CCL28: variants seen among roughly 807,000 people sequenced by gnomAD.
CCL28 encodes C-C motif chemokine ligand 28.
A neutral mutation model predicts 7.1 loss-of-function variants in CCL28; 4 were observed. That is an observed-to-expected ratio of 0.56 (90% CI 0.28 to 1.29). CCL28 has a LOEUF of 1.29. CCL28 is among the 50% of genes most tolerant of loss of function. The pLI, the probability that CCL28 is intolerant of heterozygous loss-of-function variation, is 0.11. For synonymous variants in CCL28, 55 were observed against 57.8 expected (o/e 0.95, Z 0.22); for missense variants, 151 against 163.4 (o/e 0.92, Z 0.41).
At chr5:43,407,877 G>A (rs1741358317) in intron 1 of CCL28, among the ~76,000 whole-genome samples, 2 of 65,476 alleles carry the variant, frequency 3.1e-5, no homozygotes, top group South Asian at 7.4e-4. Flanking sequence ...GCAGCCAACA[G>A]ACCATGAAAA....
At chr5:43,376,544 A>G (rs985830205), downstream of CCL28, 4 of 152,256 alleles carry the variant, frequency 2.6e-5, no homozygotes, top group Non-Finnish European at 5.9e-5. Context: ...TAAATGTAAA[A>G]GTATAGCTGA....
At chr5:43,387,823 A>G (rs566112814) in intron 2 of CCL28, among the ~76,000 whole-genome samples, 2 of 152,232 alleles carry the variant, frequency 1.3e-5, no homozygotes, top group African/African-American at 2.4e-5. Flanking sequence ...ATGGGGTCTC[A>G]CCATGTTGCC....
At chr5:43,376,085 T>A (rs1739883209), downstream of CCL28, among the ~76,000 whole-genome samples, 1 of 152,170 alleles carries the variant, frequency 6.6e-6, no homozygotes. Flanking sequence ...ATGGATAATT[T>A]CCCTATCTTA....
chr5:43,392,894 G>T (rs184218507), intron 1 of CCL28, among the ~76,000 whole-genome samples: 1 of 151,926 alleles, frequency 6.6e-6, no homozygotes, highest in Non-Finnish European at 1.5e-5. Context: ...TCTCCCCCTT[G>T]GTAAGTGTAT....
At chr5:43,395,288 C>T (rs190148620) in intron 1 of CCL28, among the ~76,000 whole-genome samples, 297 of 151,794 alleles carry the variant, frequency 2.0e-3, no homozygotes, top group African/African-American at 6.8e-3. Context: ...TTTATTCTCA[C>T]AAAGTGTCAT....
chr5:43,366,764 G>A, the CCL28 span, among the ~76,000 whole-genome samples: 1 of 152,216 alleles, frequency 6.6e-6, no homozygotes, highest in Non-Finnish European at 1.5e-5. Context: ...CTTCCCCCAG[G>A]TGCTCTGTCC....
chr5:43,357,689 GA>G, the CCL28 span, among the ~76,000 whole-genome samples: 649 of 151,130 alleles, frequency 4.3e-3, 4 homozygotes, highest in Non-Finnish European at 5.4e-3. Flanking sequence ...GAAAGGGGGG[GA>G]AAAAAAAGGG....
chr5:43,364,464 A>C, the CCL28 span, among the ~76,000 whole-genome samples: 18 of 152,290 alleles, frequency 1.2e-4, no homozygotes, highest in African/African-American at 3.6e-4. Flanking sequence ...TGTACCCCAT[A>C]AATATATATA....
the CCL28 span, among the ~76,000 whole-genome samples, chr5:43,367,362 A>G: frequency 1.3e-5 from 2 of 152,214 alleles, no homozygotes; most frequent in African/African-American, 4.8e-5. Flanking sequence ...CCCTGGTGAC[A>G]TAAGCACCCA....
intron 1 of CCL28, among the ~76,000 whole-genome samples, chr5:43,395,887 A>AGTATCGCTCT (rs1450461975): frequency 1.0e-5 from 1 of 98,722 alleles, no homozygotes; most frequent in African/African-American, 4.1e-5. Flanking sequence ...TTTGAGACGG[A>AGTATCGCTCT]GTATCGCTCT....
intron 1 of CCL28, among the ~76,000 whole-genome samples, chr5:43,408,551 A>G (rs770724973): frequency 6.6e-6 from 1 of 152,152 alleles, no homozygotes; most frequent in Non-Finnish European, 1.5e-5. Context: ...TGATGAGTTA[A>G]TGGGTGCAGC....
At chr5:43,408,326 C>T (rs529533373) in intron 1 of CCL28, among the ~76,000 whole-genome samples, 86 of 152,304 alleles carry the variant, frequency 5.6e-4, no homozygotes, top group Non-Finnish European at 9.3e-4. Flanking sequence ...AGGATGAGTT[C>T]ATGTCCTTTG....
downstream of CCL28, among the ~76,000 whole-genome samples, chr5:43,372,770 CTTT>C (rs879466483): frequency 2.2e-5 from 3 of 133,696 alleles, no homozygotes; most frequent in African/African-American, 5.5e-5. Flanking sequence ...TATGAACATT[CTTT>C]TTTTTTTTTT....
chr5:43,363,431 C>A, the CCL28 span, among the ~76,000 whole-genome samples: 1 of 152,172 alleles, frequency 6.6e-6, no homozygotes, highest in Non-Finnish European at 1.5e-5. Context: ...ACACAACCAA[C>A]TTCATTTACT....
the CCL28 span, among the ~76,000 whole-genome samples, chr5:43,360,629 A>G: frequency 1.2e-4 from 18 of 151,996 alleles, no homozygotes; most frequent in African/African-American, 3.9e-4. Context: ...ATAGTATTTC[A>G]TGGTGTATAT....
the CCL28 span, among the ~76,000 whole-genome samples, chr5:43,368,477 T>C: frequency 6.6e-6 from 1 of 151,822 alleles, no homozygotes; most frequent in African/African-American, 2.4e-5. Flanking sequence ...TGAGGGGAGG[T>C]GCTATATGCA....
At chr5:43,408,155 T>C (rs1037188914) in intron 1 of CCL28, among the ~76,000 whole-genome samples, 2 of 152,212 alleles carry the variant, frequency 1.3e-5, no homozygotes, top group African/African-American at 4.8e-5. Context: ...ACCCAAAGGA[T>C]TATAAATCAT....
the CCL28 span, among the ~76,000 whole-genome samples, chr5:43,370,329 T>A: frequency 6.6e-6 from 1 of 152,058 alleles, no homozygotes; most frequent in African/African-American, 2.4e-5. Context: ...TCACACATCA[T>A]ATCGCTTAAT....
downstream of CCL28, chr5:43,377,336 A>C (rs976185489): frequency 3.3e-5 from 5 of 151,996 alleles, no homozygotes; most frequent in Admixed American, 3.3e-4. Flanking sequence ...AACAAAAAAT[A>C]CTAAAACTAG....
Sources: allele counts gnomAD v4.1 joint callset (sites outside exome capture counted in the v4.1 genomes callset), GRCh38; gene constraint gnomAD v4.1.1; transcripts MANE v1.5; gene names NCBI Gene and HGNC (gene_info 2026-07-23, HGNC 2026-07-21).